Variants in PRDM11 observed in about 807,000 individuals in gnomAD.
PRDM11 encodes the protein PR/SET domain 11.
A neutral mutation model predicts 97.8 loss-of-function variants in PRDM11; 20 were observed. The ratio of observed to expected loss-of-function variants is 0.20; its 90% CI spans 0.14 to 0.30. PRDM11 has a LOEUF of 0.30. Ranked by LOEUF, PRDM11 falls within the 10% of genes least tolerant of loss-of-function variation. PRDM11 has a pLI of 1.00. For missense variants in PRDM11, 1,139 were observed against 1,555.2 expected, an observed-to-expected ratio of 0.73 and a Z score of 4.50; for synonymous variants, 599 against 637.7, an observed-to-expected ratio of 0.94 and a Z score of 0.91.
At chr11:45,169,494 T>C (rs1301979261) in intron 1 of PRDM11, among the ~76,000 whole-genome samples, 1 of 152,232 alleles carries the variant, frequency 6.6e-6, no homozygotes. Flanking sequence ...GTTCCAAGTG[T>C]ATTACACATG....
At chr11:45,128,682 A>G (rs182157401) in intron 1 of PRDM11, among the ~76,000 whole-genome samples, 1 of 152,360 alleles carries the variant, frequency 6.6e-6, no homozygotes, top group Non-Finnish European at 1.5e-5. Context: ...CCTACAAAGA[A>G]GCTTCCAGGG....
In PRDM11 at chr11:45,191,900, A is replaced by G. The variant is rs551021655; in HGVS notation, c.486+8777A>G. 5.3e-5 allele frequency among the ~76,000 whole-genome samples: 8 copies of G among 152,122 alleles called. No individual in the cohort carries two copies. The East Asian group carries it at 1.5e-3, about 29-fold the overall frequency. On this transcript the variant is annotated intron_variant, in intron 4 of 7. Transcript: ENST00000683152. ...GAACCTGCAGGTTTATTACATTGGT[A>G]TACATGTGCCATGGTGGTTTGCTGT...
intron 4 of PRDM11, among the ~76,000 whole-genome samples, chr11:45,202,223 C>T (rs1315382807): frequency 6.6e-6 from 1 of 152,232 alleles, no homozygotes; most frequent in Non-Finnish European, 1.5e-5. Flanking sequence ...ACCAGGGCCA[C>T]CATTGTGATC....
Position 45,228,095 on chromosome 11 carries a change from C to A in PRDM11, c.3470C>A (p.Ala1157Glu). The A allele has an allele frequency of 1.3e-6, 2 of 1,533,678 alleles. No individual in the cohort carries two copies. The highest frequency in any genetic ancestry group is 1.7e-6 in the Non-Finnish European group (2 of 1,146,692). The change falls in exon 8 of 8, where the codon GCG becomes GAG. Residue 1157 changes from alanine to glutamate, a missense_variant. Ala to Glu is a moderately radical substitution (Grantham distance 107). Coordinates refer to ENST00000683152, the MANE Select transcript of PRDM11 (RefSeq NM_001384648.1). ...LSAEVLSRMS[A>E]LEQKPALQTM... ...GCAGAAGTCCTCAGTAGGATGTCTGCGCTGGAGCAGAAGCCAGCACTACAG... is the reference window on the plus strand; with the variant it reads ...GCAGAAGTCCTCAGTAGGATGTCTGAGCTGGAGCAGAAGCCAGCACTACAG...
At chr11:45,134,569 C>T (rs760277076) in intron 1 of PRDM11, among the ~76,000 whole-genome samples, 155 of 151,668 alleles carry the variant, frequency 1.0e-3, no homozygotes, top group African/African-American at 3.6e-3. Context: ...TGTCGTGGCA[C>T]GTGCCTGTAG....
intron 1 of PRDM11, among the ~76,000 whole-genome samples, chr11:45,112,970 T>A (rs749817875): frequency 5.3e-5 from 8 of 152,218 alleles, no homozygotes; most frequent in Non-Finnish European, 1.0e-4. Context: ...GTCCCATTCA[T>A]TTATTTTTGT....
chr11:45,194,765 A>AT (rs1396267160), intron 4 of PRDM11, among the ~76,000 whole-genome samples: 1 of 149,618 alleles, frequency 6.7e-6, no homozygotes, highest in Non-Finnish European at 1.5e-5. Context: ...CGCCCGGCTA[A>AT]TTTTTTGTAT....
At chr11:45,116,387 C>T (rs1012686392) in intron 1 of PRDM11, among the ~76,000 whole-genome samples, 11 of 152,174 alleles carry the variant, frequency 7.2e-5, no homozygotes, top group African/African-American at 2.7e-4. Flanking sequence ...ATACCACATA[C>T]TAAGCTACAA....
chr11:45,151,194 A>C (rs1387332289), intron 1 of PRDM11, among the ~76,000 whole-genome samples: 2 of 152,092 alleles, frequency 1.3e-5, no homozygotes, highest in East Asian at 3.9e-4. Flanking sequence ...GCTGGTCTAA[A>C]ACTGCCTGGT....
intron 1 of PRDM11, among the ~76,000 whole-genome samples, chr11:45,181,024 C>T (rs1852476276): frequency 6.6e-6 from 1 of 152,190 alleles, no homozygotes; most frequent in Admixed American, 6.5e-5. Flanking sequence ...GAGTCACACA[C>T]GCCGCTCGCC....
At chr11:45,153,761 T>G (rs534850185) in intron 1 of PRDM11, among the ~76,000 whole-genome samples, 9 of 152,314 alleles carry the variant, frequency 5.9e-5, no homozygotes, top group African/African-American at 2.2e-4. Flanking sequence ...TGTGGAAGAT[T>G]TTTTCCTCTG....
chr11:45,096,297 A>T (rs2135591517), intron 1 of PRDM11, among the ~76,000 whole-genome samples: 1 of 152,326 alleles, frequency 6.6e-6, no homozygotes, highest in African/African-American at 2.4e-5. Flanking sequence ...AAATGAAAGG[A>T]CTAGAAGTGA....
upstream of PRDM11, among the ~76,000 whole-genome samples, chr11:45,143,786 T>C (rs2135670285): frequency 6.6e-6 from 1 of 152,290 alleles, no homozygotes; most frequent in Middle Eastern, 3.4e-3. Context: ...TTATTGAGTA[T>C]AGATGGTAAT....
chr11:45,194,131 C>T (rs1453045700), intron 4 of PRDM11, among the ~76,000 whole-genome samples: 2 of 152,214 alleles, frequency 1.3e-5, no homozygotes, highest in Admixed American at 6.5e-5. Context: ...GTACGGATGG[C>T]TGAAGAGCTG....
intron 1 of PRDM11, among the ~76,000 whole-genome samples, chr11:45,118,780 CAA>C (rs1415414152): frequency 6.6e-6 from 1 of 152,114 alleles, no homozygotes; most frequent in Non-Finnish European, 1.5e-5. Context: ...GTTTTTCCTC[CAA>C]AATCAGCAAT....
intron 1 of PRDM11, among the ~76,000 whole-genome samples, chr11:45,176,124 G>A (rs1434602656): frequency 6.6e-6 from 1 of 152,130 alleles, no homozygotes; most frequent in Non-Finnish European, 1.5e-5. Context: ...GCTCATGCCT[G>A]TAATCCCAGC....
intron 1 of PRDM11, among the ~76,000 whole-genome samples, chr11:45,127,669 G>A (rs12294874): frequency 0.039 from 5,977 of 152,234 alleles, 409 homozygotes; most frequent in African/African-American, 0.14. Flanking sequence ...AGAACAGCGG[G>A]TTTTCATGAA....
Position 45,208,273 on chromosome 11 carries a change from G to A in PRDM11, c.554+3495G>A, listed in dbSNP as rs576633485. 7.3e-4 allele frequency among the ~76,000 whole-genome samples: 111 copies of A among 152,326 alleles called. 2 individuals are homozygous for A. The East Asian group carries it at 0.015, about 21-fold the overall frequency. ...CTGACCGGGACGGGGAAGGGGAAGA[G>A]AGCCACTAGGCAGAATAAGCTTTCT... On this transcript the variant is annotated intron_variant, in intron 5 of 7. Transcript: ENST00000683152.
At chr11:45,220,289 TTGATA>T (rs1463266391) in intron 6 of PRDM11, among the ~76,000 whole-genome samples, 1 of 152,182 alleles carries the variant, frequency 6.6e-6, no homozygotes, top group Admixed American at 6.5e-5. Context: ...ATATCTGGTG[TTGATA>T]TATTTTCCAT....
Sources: allele counts gnomAD v4.1 joint callset (sites outside exome capture counted in the v4.1 genomes callset), GRCh38; gene constraint gnomAD v4.1.1; transcripts MANE v1.5; gene names NCBI Gene and HGNC (gene_info 2026-07-23, HGNC 2026-07-21).